BMPR2: variants seen among roughly 807,000 people sequenced by gnomAD.
BMPR2 encodes the protein bone morphogenetic protein receptor type-2.
Under a neutral mutation model 100.8 loss-of-function variants are expected in BMPR2, and 29 were observed. The ratio of observed to expected loss-of-function variants is 0.29; its 90% CI spans 0.21 to 0.39. The LOEUF is 0.39. Among genes scored for constraint, BMPR2 ranks in the 10% least tolerant of loss-of-function variants. The pLI is 1.00. For synonymous variants in BMPR2, 382 were observed against 442.3 expected (o/e 0.86, Z 1.71); for missense variants, 1,011 against 1,274.5 (o/e 0.79, Z 3.15).
chr2:202,413,017 C>T (rs1185477585), intron 1 of BMPR2, among the ~76,000 whole-genome samples: 4 of 152,052 alleles, frequency 2.6e-5, no homozygotes, highest in African/African-American at 4.8e-5. Context: ...TTGTAACCCC[C>T]AAATTAATAT....
chr2:202,465,924 A>AT (rs753547135), intron 2 of BMPR2, among the ~76,000 whole-genome samples: 52 of 152,142 alleles, frequency 3.4e-4, no homozygotes, highest in Non-Finnish European at 6.6e-4. Context: ...AATTATAAGC[A>AT]TTTTTCCATG....
chr2:202,474,542 GCGGAGTCTCGCTCTGTCGCCCAGGC>G (rs1692501741), intron 3 of BMPR2, among the ~76,000 whole-genome samples: 1 of 151,954 alleles, frequency 6.6e-6, no homozygotes, highest in African/African-American at 2.4e-5. Context: ...TTTTTTTGAG[GCGGAGTCTCGCTCTGTCGCCCAGGC>G]TGGAGTACGG....
intron 10 of BMPR2, among the ~76,000 whole-genome samples, chr2:202,544,920 T>C (rs1289624271): frequency 6.6e-6 from 1 of 151,746 alleles, no homozygotes; most frequent in East Asian, 1.9e-4. Context: ...GCATACCACT[T>C]TGCCTGGCTT....
intron 1 of BMPR2, among the ~76,000 whole-genome samples, chr2:202,405,333 G>T (rs542797018): frequency 6.6e-6 from 1 of 152,162 alleles, no homozygotes; most frequent in Non-Finnish European, 1.5e-5. Context: ...ATTGTTGGTA[G>T]GGTGACTATA....
intron 3 of BMPR2, among the ~76,000 whole-genome samples, chr2:202,509,961 T>C (rs983122831): frequency 3.9e-5 from 6 of 152,110 alleles, no homozygotes; most frequent in African/African-American, 1.4e-4. Flanking sequence ...TTTAATTTTA[T>C]TTTTTATACA....
chr2:202,403,106 G>T, intron 1 of BMPR2, among the ~76,000 whole-genome samples: 1 of 151,900 alleles, frequency 6.6e-6, no homozygotes, highest in East Asian at 1.9e-4. Context: ...GGGATTACAG[G>T]CATGAGCCAC....
intron 1 of BMPR2, among the ~76,000 whole-genome samples, chr2:202,407,884 A>G (rs1394258814): frequency 1.3e-5 from 2 of 151,262 alleles, no homozygotes; most frequent in African/African-American, 4.9e-5. Context: ...CCCAGGCTGA[A>G]GTGCAGTGGC....
At position 202,426,564 on chromosome 2, in the gene BMPR2, G is replaced by A. The variant is rs1002609908; in HGVS notation, c.77-38245G>A. On this transcript the variant is annotated intron_variant, in intron 1 of 12. Transcript: ENST00000374580. ...AGCCTGGGCGACAGAGCAAGTCTCC[G>A]TCTCAAAAAAAAAAAAAAAAAAAAA... is the stretch of plus-strand genomic sequence containing the variant. 3.7e-4 allele frequency among the ~76,000 whole-genome samples: 40 copies of A among 108,940 alleles called. No individual in the cohort carries two copies. In the South Asian group the frequency reaches 7.3e-3, roughly 20 times the overall value. The allele number at this position is 108,940 out of a possible 152,430, so 71.5% of individuals were successfully genotyped here.
chr2:202,472,310 T>A (rs1444207580), intron 3 of BMPR2, among the ~76,000 whole-genome samples: 1 of 152,262 alleles, frequency 6.6e-6, no homozygotes, highest in Non-Finnish European at 1.5e-5. Flanking sequence ...GATACATTTA[T>A]TTTTCACAAA....
intron 7 of BMPR2, among the ~76,000 whole-genome samples, chr2:202,530,298 G>A (rs1287522459): frequency 6.6e-6 from 1 of 152,200 alleles, no homozygotes; most frequent in Non-Finnish European, 1.5e-5. Context: ...TTGAAAAGCT[G>A]AGGTGGGCTT....
chr2:202,501,427 G>C (rs897214438), intron 3 of BMPR2, among the ~76,000 whole-genome samples: 1 of 152,174 alleles, frequency 6.6e-6, no homozygotes, highest in African/African-American at 2.4e-5. Flanking sequence ...CCTTAAAGCA[G>C]GCTCTAGTAC....
chr2:202,499,687 C>T (rs1358811721), intron 3 of BMPR2, among the ~76,000 whole-genome samples: 34 of 152,156 alleles, frequency 2.2e-4, no homozygotes, highest in Non-Finnish European at 1.5e-5. Flanking sequence ...CCCAATCAGC[C>T]ACAGATACCA....
At chr2:202,425,837 A>G (rs1406516954) in intron 1 of BMPR2, among the ~76,000 whole-genome samples, 3 of 152,342 alleles carry the variant, frequency 2.0e-5, no homozygotes, top group Admixed American at 1.3e-4. Flanking sequence ...AAGGAAGATT[A>G]ATACATTGAA....
At chr2:202,404,846 T>G (rs962499165) in intron 1 of BMPR2, among the ~76,000 whole-genome samples, 1 of 152,034 alleles carries the variant, frequency 6.6e-6, no homozygotes, top group East Asian at 1.9e-4. Flanking sequence ...GGAGACTTTT[T>G]TTTTAAGACA....
chr2:202,506,409 A>G (rs1415733946), intron 3 of BMPR2, among the ~76,000 whole-genome samples: 2 of 151,770 alleles, frequency 1.3e-5, no homozygotes, highest in African/African-American at 4.8e-5. Flanking sequence ...CAAGTGATCC[A>G]CCCACCTTGG....
At chr2:202,456,704 G>C (rs1481298775) in intron 1 of BMPR2, among the ~76,000 whole-genome samples, 2 of 151,680 alleles carry the variant, frequency 1.3e-5, no homozygotes, top group African/African-American at 2.4e-5. Flanking sequence ...TAGAAGAGAC[G>C]GGGTTTCACC....
At chr2:202,430,311 T>C (rs1333164641) in intron 1 of BMPR2, among the ~76,000 whole-genome samples, 1 of 152,198 alleles carries the variant, frequency 6.6e-6, no homozygotes, top group Non-Finnish European at 1.5e-5. Flanking sequence ...GCAGTATTTG[T>C]TGAAAGAAGT....
chr2:202,387,880 AG>A (rs1373250245), intron 1 of BMPR2, among the ~76,000 whole-genome samples: 1 of 152,250 alleles, frequency 6.6e-6, no homozygotes, highest in Non-Finnish European at 1.5e-5. Context: ...GTGATAAGAA[AG>A]GCAAGATTAA....
intron 1 of BMPR2, among the ~76,000 whole-genome samples, chr2:202,416,449 T>G (rs966097334): frequency 6.9e-6 from 1 of 145,222 alleles, no homozygotes; most frequent in Non-Finnish European, 1.5e-5. Flanking sequence ...TTTTTTGAGA[T>G]GGAGTCTTGC....
Sources: gnomAD v4.1 joint callset for allele counts (sites outside exome capture counted in the v4.1 genomes callset) on GRCh38, gnomAD v4.1.1 for gene constraint, MANE v1.5 for transcripts, NCBI Gene and HGNC (gene_info 2026-07-23, HGNC 2026-07-21) for gene names.